The following CNTNAP2 variants were observed in gnomAD, a reference collection of about 807,000 sequenced individuals.
CNTNAP2 encodes the protein contactin-associated protein-like 2.
CNTNAP2 carries 98 observed loss-of-function variants against 155.2 expected under a neutral mutation model. The ratio of observed to expected loss-of-function variants is 0.63; its 90% CI spans 0.54 to 0.75. The LOEUF (loss-of-function observed/expected upper bound fraction) is 0.75. CNTNAP2 is among the 30% of genes least tolerant of loss of function. CNTNAP2 has a pLI of 0.00. For synonymous variants in CNTNAP2, 651 were observed against 631.2 expected (o/e 1.03, Z -0.47); for missense variants, 1,727 against 1,688.1 (o/e 1.02, Z -0.40).
chr7:146,715,922 A>T (rs1293365104), intron 1 of CNTNAP2, among the ~76,000 whole-genome samples: 1 of 152,060 alleles, frequency 6.6e-6, no homozygotes, highest in Admixed American at 6.5e-5. Context: ...CAAGTGTTAA[A>T]CTGCTCCTAA....
At chr7:146,674,689 C>T (rs1800367175) in intron 1 of CNTNAP2, among the ~76,000 whole-genome samples, 1 of 152,020 alleles carries the variant, frequency 6.6e-6, no homozygotes, top group Non-Finnish European at 1.5e-5. Flanking sequence ...GACCCGGGCC[C>T]TGTATCCCAT....
chr7:148,105,578 A>AT (rs1238183655), intron 15 of CNTNAP2, among the ~76,000 whole-genome samples: 15 of 135,898 alleles, frequency 1.1e-4, no homozygotes, highest in South Asian at 2.1e-4. Context: ...ATTTTATTTT[A>AT]TTTTTTATTT....
chr7:147,595,613 C>G (rs934823658), intron 12 of CNTNAP2, among the ~76,000 whole-genome samples: 9 of 152,152 alleles, frequency 5.9e-5, no homozygotes. Flanking sequence ...ATCTTGCTTT[C>G]CATAATAACT....
chr7:147,060,630 G>A (rs1433489747), intron 4 of CNTNAP2, among the ~76,000 whole-genome samples: 2 of 152,042 alleles, frequency 1.3e-5, no homozygotes, highest in East Asian at 3.9e-4. Flanking sequence ...CTGGGAGGCC[G>A]AGGCGGGCGG....
chr7:147,921,276 G>A (rs147988198), intron 14 of CNTNAP2, among the ~76,000 whole-genome samples: 566 of 152,230 alleles, frequency 3.7e-3, no homozygotes, highest in Non-Finnish European at 6.2e-3. Context: ...TGTCCACACC[G>A]TACTTAATTT....
chr7:146,331,347 T>A (rs1413237541), intron 1 of CNTNAP2, among the ~76,000 whole-genome samples: 1 of 152,116 alleles, frequency 6.6e-6, no homozygotes, highest in African/African-American at 2.4e-5. Flanking sequence ...TATAAATTAT[T>A]CGGCCCTTTA....
intron 1 of CNTNAP2, among the ~76,000 whole-genome samples, chr7:146,325,956 AT>A (rs1801091160): frequency 6.6e-6 from 1 of 152,164 alleles, no homozygotes; most frequent in Non-Finnish European, 1.5e-5. Context: ...CTTCAAAAGA[AT>A]TGCTCAGGCT....
At chr7:146,710,127 G>A (rs1222792919) in intron 1 of CNTNAP2, among the ~76,000 whole-genome samples, 1 of 152,172 alleles carries the variant, frequency 6.6e-6, no homozygotes, top group Non-Finnish European at 1.5e-5. Flanking sequence ...CTCACAATTG[G>A]AAAGCAGTGT....
intron 11 of CNTNAP2, among the ~76,000 whole-genome samples, chr7:147,527,405 A>C (rs1799347525): frequency 6.6e-6 from 1 of 152,178 alleles, no homozygotes; most frequent in South Asian, 2.1e-4. Flanking sequence ...GGTCCTAAAA[A>C]GTGAAAAGCT....
intron 5 of CNTNAP2, among the ~76,000 whole-genome samples, chr7:147,116,983 C>A (rs1801004482): frequency 6.6e-6 from 1 of 152,208 alleles, no homozygotes; most frequent in Non-Finnish European, 1.5e-5. Flanking sequence ...CTCCTCGAGG[C>A]TCCATCTGGT....
intron 3 of CNTNAP2, among the ~76,000 whole-genome samples, chr7:147,014,694 A>G (rs1798687677): frequency 6.6e-6 from 1 of 152,140 alleles, no homozygotes; most frequent in Non-Finnish European, 1.5e-5. Context: ...TAACAGCAAC[A>G]TTAAGCTCCC....
At chr7:146,397,925 G>A (rs1718080) in intron 1 of CNTNAP2, among the ~76,000 whole-genome samples, 24,083 of 146,644 alleles carry the variant, frequency 0.16, 3,249 homozygotes, top group African/African-American at 0.37. Context: ...ACAGGCTGGA[G>A]TGCAGTGGTG....
intron 14 of CNTNAP2, among the ~76,000 whole-genome samples, chr7:147,930,338 C>A (rs986877326): frequency 6.6e-6 from 1 of 152,144 alleles, no homozygotes; most frequent in Non-Finnish European, 1.5e-5. Flanking sequence ...CTACAGGAGA[C>A]TCACTTTAAG....
chr7:147,005,811 C>G (rs1798513819), intron 3 of CNTNAP2, among the ~76,000 whole-genome samples: 1 of 152,004 alleles, frequency 6.6e-6, no homozygotes, highest in Non-Finnish European at 1.5e-5. Flanking sequence ...AGAGTAACTT[C>G]TACTTCATTT....
At chr7:147,050,335 C>T (rs1365523159) in intron 4 of CNTNAP2, among the ~76,000 whole-genome samples, 1 of 152,150 alleles carries the variant, frequency 6.6e-6, no homozygotes, top group Non-Finnish European at 1.5e-5. Flanking sequence ...AAGTACTGAG[C>T]GTTTTTGATG....
At chr7:146,393,055 A>G (rs1255913765) in intron 1 of CNTNAP2, among the ~76,000 whole-genome samples, 3 of 152,196 alleles carry the variant, frequency 2.0e-5, no homozygotes, top group South Asian at 2.1e-4. Context: ...ACAGAGCATC[A>G]ATGAAATGAA....
intron 10 of CNTNAP2, among the ~76,000 whole-genome samples, chr7:147,402,534 G>C (rs566015386): frequency 6.6e-6 from 1 of 152,274 alleles, no homozygotes; most frequent in East Asian, 1.9e-4. Flanking sequence ...AAACCCCTCA[G>C]TTCTGGGTAA....
At chr7:146,355,321 G>T (rs1405043056) in intron 1 of CNTNAP2, among the ~76,000 whole-genome samples, 4 of 152,092 alleles carry the variant, frequency 2.6e-5, no homozygotes, top group Admixed American at 1.3e-4. Flanking sequence ...ACCAACAGGG[G>T]GTGTGCTAAT....
intron 1 of CNTNAP2, among the ~76,000 whole-genome samples, chr7:146,183,612 T>TAATAATAATAATAA (rs1798581105): frequency 6.8e-6 from 1 of 146,426 alleles, no homozygotes; most frequent in African/African-American, 2.6e-5. Flanking sequence ...ACACAAATAA[T>TAATAATAATAATAA]AATAATAATA....
Sources: allele counts gnomAD v4.1 joint callset (sites outside exome capture counted in the v4.1 genomes callset), GRCh38; gene constraint gnomAD v4.1.1; transcripts MANE v1.5; gene names NCBI Gene and HGNC (gene_info 2026-07-23, HGNC 2026-07-21).